The following DDX11 variants were observed in gnomAD, a reference collection of about 807,000 sequenced individuals.
The protein encoded by DDX11 is DEAD/H-box helicase 11.
Under a neutral mutation model 125.2 loss-of-function variants are expected in DDX11, and 72 were observed. That is an observed-to-expected ratio of 0.58 (90% CI 0.48 to 0.70). The LOEUF is 0.70. Among genes scored for constraint, DDX11 ranks in the 30% least tolerant of loss-of-function variants. DDX11 has a pLI of 0.00. For missense variants in DDX11, 883 were observed against 1,165.0 expected (o/e 0.76, Z 3.52); for synonymous variants, 347 against 452.6 (o/e 0.77, Z 2.96).
rs1339397794 is a variant in DDX11, at chr12:31,085,140, G to A, written c.638+14G>A. ...GGTGGCGAGCAGGTGAGACAGAGGCGGTAGCACTACCCTGCCCCAGGCCAG... is the reference window on the plus strand; with the variant it reads ...GGTGGCGAGCAGGTGAGACAGAGGCAGTAGCACTACCCTGCCCCAGGCCAG... On this transcript the variant is annotated intron_variant, in intron 5 of 26. Transcript: ENST00000542838. 3 of 1,554,250 alleles carry A rather than the reference G, an allele frequency of 1.9e-6. No individual in the cohort carries two copies. Among genetic ancestry groups the A allele is most frequent in the Admixed American group, 1.9e-5 (1 of 51,316 alleles).
chr12:31,094,456 G>A, intron 12 of DDX11, 134 bp from the exon 13 acceptor site: 2 of 1,509,400 alleles, frequency 1.3e-6, no homozygotes, highest in Non-Finnish European at 1.8e-6. Flanking sequence ...GCTATAAACA[G>A]TGAAAAGCAA....
At chr12:31,077,085 G>A (rs1321288637) in intron 1 of DDX11, 1 of 152,134 alleles carries the variant, frequency 6.6e-6, no homozygotes, top group African/African-American at 2.4e-5. Context: ...TTATAAAGAT[G>A]GGCTCTCGAT....
At position 31,094,584 on chromosome 12, in the gene DDX11, T is replaced by C; in HGVS notation, c.1370-6T>C. On this transcript the variant is annotated splice_region_variant and splice_polypyrimidine_tract_variant and intron_variant, in intron 12 of 26. Transcript: ENST00000542838. ...CATTGTGACCTATTTCCATTCTCTT[T>C]TTTAGGGAACATTAAGCAAAATCCC... The C allele has an allele frequency of 1.9e-6, 3 of 1,576,318 alleles. No individual in the cohort carries two copies. Among genetic ancestry groups the C allele is most frequent in the Non-Finnish European group, 2.6e-6 (3 of 1,163,054 alleles).
At chr12:31,101,601 G>A in intron 20 of DDX11, 1 of 588,360 alleles carries the variant, frequency 1.7e-6, no homozygotes, top group East Asian at 3.0e-5. Context: ...GGACGCTAGT[G>A]CTGTGACATG....
chr12:31,100,833 C>CTTCGTG, intron 19 of DDX11, 126 bp downstream of exon 19: 1 of 1,141,416 alleles, frequency 8.8e-7, no homozygotes, highest in South Asian at 1.3e-5. Flanking sequence ...GAGCCTCACC[C>CTTCGTG]TTCGTGCGCT....
Position 31,083,610 on chromosome 12 carries a change from G to A in DDX11, c.145-203G>A, listed in dbSNP as rs148521948. Reference sequence around the variant, plus strand: ...AAAGAAGCTTTTTCCTGCTTCTTGGGCCCAGTTTCCATTTCTTTCTTTTTT... The same window carrying A: ...AAAGAAGCTTTTTCCTGCTTCTTGGACCCAGTTTCCATTTCTTTCTTTTTT... On this transcript the variant is annotated intron_variant, in intron 2 of 26. Transcript: ENST00000542838. Among the ~76,000 whole-genome samples the A allele has an allele frequency of 5.7e-3, 863 of 152,202 alleles. 8 individuals are homozygous for A. The highest frequency in any genetic ancestry group is 0.019 in the African/African-American group (808 of 41,518).
chr12:31,093,038 C>G lies in DDX11; in HGVS notation c.1289+146C>G, dbSNP rs2543283. ...CATGCCATTCATGTCCTAGGCACAT[C>G]ATGGTGTGTGCTGCACACAGACCTG... On this transcript the variant is annotated intron_variant, in intron 11 of 26. Transcript: ENST00000542838. 60 of 1,003,382 alleles carry G rather than the reference C, an allele frequency of 6.0e-5. 1 individual carries two copies. In the Middle Eastern group the frequency reaches 6.6e-4, roughly 11 times the overall value. The allele number at this position is 1,003,382 out of a possible 1,614,324, so 62.2% of individuals were successfully genotyped here.
chr12:31,076,755 A>G (rs901054768), intron 1 of DDX11: 4 of 152,304 alleles, frequency 2.6e-5, no homozygotes, highest in African/African-American at 9.7e-5. Context: ...TTTTCAGTAC[A>G]TACCCCTCTC....
rs1592532458 is a variant in DDX11, at chr12:31,073,878, C to T, written c.-218C>T. The stretch of plus-strand genomic sequence containing the variant: ...GGCGGGGGTTGTTCCGGCTGCCTTT[C>T]ACTGAGGGGACCCGCCAGTTTCTAA... On this transcript the variant is annotated 5_prime_UTR_variant, in exon 1 of 27. Transcript: ENST00000542838. The T allele has an allele frequency of 1.3e-5, 2 of 152,352 alleles. No homozygotes were observed. Among genetic ancestry groups the T allele is most frequent in the African/African-American group, 4.8e-5 (2 of 41,594 alleles). 9.4% of individuals were successfully genotyped at this position (152,352 alleles called of 1,614,324 possible). A position where few individuals can be genotyped will look rare whatever the true frequency, so the allele number is the denominator to read the frequency against.
Position 31,079,843 on chromosome 12 carries a change from A to G in DDX11, c.144+1306A>G, listed in dbSNP as rs532419160. On this transcript the variant is annotated intron_variant, in intron 2 of 26. Transcript: ENST00000542838. ...CTTTAAAAACATTTTTTTAACATGC[A>G]TTTTGGTGGGGATACAATTCAGTCC... Among the ~76,000 whole-genome samples the G allele has an allele frequency of 9.2e-5, 14 of 151,768 alleles. No individual in the cohort carries two copies. The East Asian group carries it at 1.8e-3, about 19-fold the overall frequency.
chr12:31,089,336 C>A (rs1166029868), intron 7 of DDX11, 67 bp from the exon 8 acceptor site: 6 of 1,564,832 alleles, frequency 3.8e-6, no homozygotes, highest in Non-Finnish European at 5.3e-6. Flanking sequence ...GGCAGGTCCA[C>A]GTGTGTTGGT....
intron 21 of DDX11, 117 bp downstream of exon 21, chr12:31,102,099 C>CA (rs1424017936): frequency 7.5e-7 from 1 of 1,342,056 alleles, no homozygotes; most frequent in Non-Finnish European, 1.0e-6. Flanking sequence ...CCACCGCTCC[C>CA]AGTCCCTGAC....
At chr12:31,077,568 C>G (rs1940912122) in intron 1 of DDX11, among the ~76,000 whole-genome samples, 1 of 151,772 alleles carries the variant, frequency 6.6e-6, no homozygotes, top group African/African-American at 2.4e-5. Flanking sequence ...GACGTGTAGG[C>G]CGGGTGCGGT....
Position 31,103,012 on chromosome 12 carries a change from C to G in DDX11, c.2449C>G (p.Gln817Glu). Residue 817 changes from glutamine (Q) to glutamate (E), a missense_variant, in exon 24 of 27, where the codon CAA becomes GAA. This residue lies in a region of DDX11 where 285 missense variants were observed against 346.0 expected (regional missense o/e 0.82). Transcript: ENST00000542838. ...GCAGGAGAAGATGGCCTACTTGGAT[C>G]AAACCCTCGTGAGTGACCCCAGTGT... is the stretch of plus-strand genomic sequence containing the variant. The part of the protein sequence containing the change: ...ELQEKMAYLD[Q>E]TLPRAPGQAP... 1 of 1,613,794 alleles carries G rather than the reference C, an allele frequency of 6.2e-7. No individual in the cohort carries two copies. Among genetic ancestry groups the G allele is most frequent in the Non-Finnish European group, 8.5e-7 (1 of 1,179,706 alleles).
chr12:31,095,797 TGGGTCTC>T, intron 14 of DDX11, among the ~76,000 whole-genome samples: 1 of 152,278 alleles, frequency 6.6e-6, no homozygotes, highest in East Asian at 1.9e-4. Context: ...CTTCTTCCCA[TGGGTCTC>T]GGGTCTCATC....
In DDX11 at chr12:31,093,241, T is replaced by C. The variant is rs1372854669; in HGVS notation, c.1290-4T>C. 7.4e-6 allele frequency: 12 copies of C among 1,611,918 alleles called. No individual in the cohort carries two copies. In the South Asian group the frequency reaches 1.1e-4, roughly 15 times the overall value. On this transcript the variant is annotated splice_polypyrimidine_tract_variant and splice_region_variant and intron_variant, in intron 11 of 26. Coordinates refer to ENST00000542838, the MANE Select transcript of DDX11 (RefSeq NM_030653.4). Reference sequence around the variant, plus strand: ...CCACTTAATGTCCGTTGGCTTCTTCTCAGGAAGCGTTTGAAGGCCAAGAAC... The same window carrying C: ...CCACTTAATGTCCGTTGGCTTCTTCCCAGGAAGCGTTTGAAGGCCAAGAAC...
intron 19 of DDX11, 142 bp downstream of exon 19, chr12:31,100,849 A>G: frequency 3.6e-6 from 4 of 1,106,144 alleles, no homozygotes; most frequent in Non-Finnish European, 5.4e-6. Flanking sequence ...GCGCTCGCCC[A>G]GGCTCTCCTG....
chr12:31,092,008 C>T lies in DDX11; in HGVS notation c.1242+137C>T, dbSNP rs1179238126. ...GGTGCACGAGTCAAGGCGGTGACCT[C>T]ATCGGAGGCTGACCATGGCTTTCCA... is the stretch of plus-strand genomic sequence containing the variant. On this transcript the variant is annotated intron_variant, in intron 10 of 26. Coordinates refer to ENST00000542838, the MANE Select transcript of DDX11 (RefSeq NM_030653.4). 9.0e-6 allele frequency: 11 copies of T among 1,225,682 alleles called. No homozygotes were observed. The Admixed American group carries it at 1.2e-4, about 13-fold the overall frequency. 75.9% of individuals were successfully genotyped at this position (1,225,682 alleles called of 1,614,324 possible).
rs1946818715 is a variant in DDX11, at chr12:31,103,723, G to A, written c.2683G>A (p.Val895Met). The A allele has an allele frequency of 6.2e-7, 1 of 1,613,788 alleles. No homozygotes were observed. The highest frequency in any genetic ancestry group is 8.5e-7 in the Non-Finnish European group (1 of 1,179,952). Residue 895 changes from valine to methionine, a missense_variant, in exon 26 of 27, where the codon GTG (valine) becomes ATG (methionine). By Grantham distance (21) the Val-to-Met change is conservative. Coordinates refer to ENST00000542838, the MANE Select transcript of DDX11 (RefSeq NM_030653.4). ...KATFGPAIAAVQKFHREKSAS... is the reference protein window; with the variant it reads ...KATFGPAIAAMQKFHREKSAS... ...TACCTTTGGCCCCGCCATTGCTGCTGTGCAGAAGGTCAGTCCTACCTTTTT... is the reference window on the plus strand; with the variant it reads ...TACCTTTGGCCCCGCCATTGCTGCTATGCAGAAGGTCAGTCCTACCTTTTT...
Sources: gnomAD v4.1 joint callset for allele counts (sites outside exome capture counted in the v4.1 genomes callset) on GRCh38, gnomAD v4.1.1 for gene constraint, gnomAD v4.1.1 regional missense constraint, MANE v1.5 for transcripts, NCBI Gene and HGNC (gene_info 2026-07-23, HGNC 2026-07-21) for gene names.